The following SH2D4A variants were observed in gnomAD, a reference collection of about 807,000 sequenced individuals.
SH2D4A encodes the protein SH2 domain-containing protein 4A.
Under a neutral mutation model 64.7 loss-of-function variants are expected in SH2D4A, and 70 were observed. That is an observed-to-expected ratio of 1.08 (90% CI 0.89 to 1.32). The LOEUF (loss-of-function observed/expected upper bound fraction) is 1.32. Among genes scored for constraint, SH2D4A ranks in the 40% most tolerant of loss-of-function variants. The pLI, the probability that SH2D4A is intolerant of heterozygous loss-of-function variation, is 0.00. For missense variants in SH2D4A, 706 were observed against 540.1 expected, an observed-to-expected ratio of 1.31 and a Z score of -3.04; for synonymous variants, 268 against 200.7, an observed-to-expected ratio of 1.34 and a Z score of -2.83.
rs369565501 is a variant in SH2D4A, at chr8:19,319,659, C to G, written c.112C>G (p.Arg38Gly). 2 of 1,610,252 alleles carry G rather than the reference C, an allele frequency of 1.2e-6. No individual in the cohort carries two copies. The highest frequency in any genetic ancestry group is 3.4e-5 in the Admixed American group (2 of 59,350). Residue 38 changes from arginine to glycine, a missense_variant, in exon 2 of 10, where the codon CGA becomes GGA. Arg to Gly is a moderately radical substitution (Grantham distance 125). Transcript: ENST00000265807. ...CAAGATGAGAGAGGAACAGATCCGA[C>G]GATGGAAAGAAAGAGAAGCAGCTAT... The part of the protein sequence containing the change: ...FFKMREEQIR[R>G]WKEREAAMER...
intron 4 of SH2D4A, among the ~76,000 whole-genome samples, chr8:19,341,921 T>C (rs1048706614): frequency 1.3e-5 from 2 of 151,554 alleles, no homozygotes; most frequent in African/African-American, 4.9e-5. Flanking sequence ...TGAGTCAGAA[T>C]GCACTTCTTA....
Position 19,373,603 on chromosome 8 carries a change from C to T in SH2D4A, c.991C>T (p.Leu331=), listed in dbSNP as rs1255983129. Residue 331 remains leucine, a synonymous_variant, in exon 8 of 10, where the codon CTA becomes TTA. Coordinates refer to ENST00000265807, the MANE Select transcript of SH2D4A (RefSeq NM_022071.4). ...DIIRWFKEEQ[L]PLRAGYQKTS... ...CATCCGGTGGTTTAAAGAGGAGCAG[C>T]TACCACTTCGAGCGGGCTACCAGAA... 2 of 1,613,414 alleles carry T rather than the reference C, an allele frequency of 1.2e-6. No homozygotes were observed. Among genetic ancestry groups the T allele is most frequent in the Middle Eastern group, 1.7e-4 (1 of 6,058 alleles).
At chr8:19,391,803 A>T (rs138189302) in intron 8 of SH2D4A, among the ~76,000 whole-genome samples, 1 of 152,352 alleles carries the variant, frequency 6.6e-6, no homozygotes, top group East Asian at 1.9e-4. Context: ...TCACTTCTCA[A>T]TTAGCTGTAC....
intron 8 of SH2D4A, among the ~76,000 whole-genome samples, chr8:19,374,093 A>G (rs1165324545): frequency 6.6e-6 from 1 of 152,222 alleles, no homozygotes. Context: ...TAGGAAATCA[A>G]TTTAAGCCTC....
At chr8:19,327,326 A>T (rs967701032) in intron 2 of SH2D4A, among the ~76,000 whole-genome samples, 2 of 152,214 alleles carry the variant, frequency 1.3e-5, no homozygotes, top group African/African-American at 4.8e-5. Context: ...CCTCTGATTA[A>T]AGAGTGCGTG....
At chr8:19,367,503 A>AT (rs1413978581) in intron 7 of SH2D4A, among the ~76,000 whole-genome samples, 2 of 151,946 alleles carry the variant, frequency 1.3e-5, no homozygotes, top group Admixed American at 6.6e-5. Context: ...GGTATTGGGC[A>AT]TTTTTTTCGT....
Position 19,334,668 on chromosome 8 carries a change from A to G in SH2D4A, c.342-18A>G. On this transcript the variant is annotated intron_variant, in intron 3 of 9. Coordinates refer to ENST00000265807, the MANE Select transcript of SH2D4A (RefSeq NM_022071.4). ...TTGAAGAATGTTTTTTGAGAATTTC[A>G]CTTTTGCCTCTCTTCAGAAAAACTC... is the stretch of plus-strand genomic sequence containing the variant. 1.9e-6 allele frequency: 3 copies of G among 1,572,232 alleles called. No homozygotes were observed. Among genetic ancestry groups the G allele is most frequent in the South Asian group, 1.2e-5 (1 of 84,696 alleles).
chr8:19,363,750 C>T (rs1333152819), intron 6 of SH2D4A: 4 of 366,298 alleles, frequency 1.1e-5, no homozygotes, highest in East Asian at 6.0e-5. Context: ...CATGCTCAGG[C>T]GGGGGATCCT....
chr8:19,347,811 A>G (rs2052635770), intron 4 of SH2D4A, among the ~76,000 whole-genome samples: 2 of 152,318 alleles, frequency 1.3e-5, no homozygotes, highest in Middle Eastern at 3.4e-3. Flanking sequence ...GCCTTGAGCA[A>G]AAGTCTTCCC....
intron 1 of SH2D4A, chr8:19,314,114 G>T: frequency 8.8e-7 from 1 of 1,138,752 alleles, no homozygotes; most frequent in South Asian, 4.3e-5. Context: ...GGGGCTTGCA[G>T]GGGGTGGCGG....
At chr8:19,393,258 CAG>C (rs1253923601) in intron 8 of SH2D4A, 58 bp from the exon 9 acceptor site, 3 of 1,492,692 alleles carry the variant, frequency 2.0e-6, no homozygotes, top group Non-Finnish European at 2.8e-6. Context: ...CTGGATTTAA[CAG>C]AGGGGATTTT....
At chr8:19,376,010 T>C (rs556099931) in intron 8 of SH2D4A, among the ~76,000 whole-genome samples, 3 of 152,214 alleles carry the variant, frequency 2.0e-5, no homozygotes, top group African/African-American at 7.2e-5. Flanking sequence ...CTCCCTTCCA[T>C]CCCTCAGACA....
Position 19,376,928 on chromosome 8 carries a change from CCTTTA to C in SH2D4A, c.1048+3272_1048+3276del, listed in dbSNP as rs767709853. Among the ~76,000 whole-genome samples, 24 of 152,216 alleles carry C rather than the reference CCTTTA, an allele frequency of 1.6e-4. No homozygotes were observed. The South Asian group carries it at 1.9e-3, about 12-fold the overall frequency. ...AGATCATACAAATTTTAATTTTTTC[CCTTTA>C]CTTCATTAAAAAATGATTTTTCTTA... is the stretch of plus-strand genomic sequence containing the variant. On this transcript the variant is annotated intron_variant, in intron 8 of 9. Transcript: ENST00000265807.
At chr8:19,343,223 G>C (rs532936523) in intron 4 of SH2D4A, among the ~76,000 whole-genome samples, 1 of 152,010 alleles carries the variant, frequency 6.6e-6, no homozygotes, top group Non-Finnish European at 1.5e-5. Context: ...CCAAGATTTC[G>C]AGACCAGCCC....
intron 2 of SH2D4A, among the ~76,000 whole-genome samples, chr8:19,321,781 G>A (rs1391243116): frequency 2.6e-5 from 4 of 152,166 alleles, no homozygotes; most frequent in African/African-American, 9.7e-5. Context: ...GTGATGGGGT[G>A]ACCTTGGGGA....
Position 19,331,642 on chromosome 8 carries a change from A to G in SH2D4A, c.182-1313A>G, listed in dbSNP as rs74619565. ...ATTATCTTCTCACAGGCTGGTGTGA[A>G]TCTCTGAGGCAGCCATATAAGTAAA... is the stretch of plus-strand genomic sequence containing the variant. On this transcript the variant is annotated intron_variant, in intron 2 of 9. Coordinates refer to ENST00000265807, the MANE Select transcript of SH2D4A (RefSeq NM_022071.4). 5.7e-3 allele frequency among the ~76,000 whole-genome samples: 864 copies of G among 152,320 alleles called. 8 individuals are homozygous for G. The highest frequency in any genetic ancestry group is 0.02 in the African/African-American group (823 of 41,570).
chr8:19,366,823 T>G (rs1371155212), intron 7 of SH2D4A, among the ~76,000 whole-genome samples: 1 of 152,222 alleles, frequency 6.6e-6, no homozygotes, highest in Non-Finnish European at 1.5e-5. Context: ...CCTTTTTGAT[T>G]CCACAGAAGA....
chr8:19,343,468 C>G (rs894884568), intron 4 of SH2D4A, among the ~76,000 whole-genome samples: 13 of 151,988 alleles, frequency 8.6e-5, no homozygotes, highest in African/African-American at 3.1e-4. Context: ...AAAAACTTGC[C>G]TTGTTTATCT....
intron 8 of SH2D4A, among the ~76,000 whole-genome samples, chr8:19,393,097 C>A (rs1181445484): frequency 2.0e-5 from 3 of 152,142 alleles, no homozygotes; most frequent in Non-Finnish European, 4.4e-5. Context: ...TACCTCTATA[C>A]ATGATTTTTA....
Sources: gnomAD v4.1 joint callset for allele counts (sites outside exome capture counted in the v4.1 genomes callset) on GRCh38, gnomAD v4.1.1 for gene constraint, MANE v1.5 for transcripts, NCBI Gene and HGNC (gene_info 2026-07-23, HGNC 2026-07-21) for gene names.